Variants in ADGRF5 observed in about 807,000 individuals in gnomAD.
ADGRF5 encodes the protein G-protein coupled receptor 116.
Under a neutral mutation model 132.3 loss-of-function variants are expected in ADGRF5, and 75 were observed. That is an observed-to-expected ratio of 0.57 (90% CI 0.47 to 0.69). The LOEUF (loss-of-function observed/expected upper bound fraction) is 0.69. Among genes scored for constraint, ADGRF5 ranks in the 30% least tolerant of loss-of-function variants. ADGRF5 has a pLI of 0.00. For synonymous variants in ADGRF5, 629 were observed against 597.6 expected (o/e 1.05, Z -0.77); for missense variants, 1,516 against 1,630.6 (o/e 0.93, Z 1.21).
At chr6:46,917,591 G>A (rs1187268204) in intron 1 of ADGRF5, among the ~76,000 whole-genome samples, 1 of 152,170 alleles carries the variant, frequency 6.6e-6, no homozygotes, top group Non-Finnish European at 1.5e-5. Flanking sequence ...ATAAAACACT[G>A]AGTATGGTCC....
chr6:46,880,417 T>C (rs1440118505), intron 8 of ADGRF5, among the ~76,000 whole-genome samples: 1 of 152,208 alleles, frequency 6.6e-6, no homozygotes, highest in Non-Finnish European at 1.5e-5. Context: ...TAATATCAAC[T>C]GCTTCTTATC....
At chr6:46,951,839 A>C (rs1778511731) in intron 1 of ADGRF5, among the ~76,000 whole-genome samples, 2 of 152,206 alleles carry the variant, frequency 1.3e-5, no homozygotes, top group Non-Finnish European at 2.9e-5. Flanking sequence ...TTGGGGAATT[A>C]CCAAAGCACA....
chr6:46,871,682 G>A (rs1033988981), intron 11 of ADGRF5, among the ~76,000 whole-genome samples, 161 bp downstream of exon 11: 1 of 152,156 alleles, frequency 6.6e-6, no homozygotes. Context: ...ATGGCAGAGA[G>A]AGAAATCCTT....
intron 1 of ADGRF5, among the ~76,000 whole-genome samples, chr6:46,949,736 T>C (rs1021109783): frequency 6.6e-5 from 10 of 152,240 alleles, no homozygotes; most frequent in African/African-American, 2.4e-4. Context: ...AGTCTTGCTG[T>C]TATTTGCCTG....
rs116070359 is a variant in ADGRF5, at chr6:46,878,187, A to G, written c.1240+15T>C. 114 of 1,571,656 alleles carry G rather than the reference A, an allele frequency of 7.3e-5. No homozygotes were observed. The highest frequency in any genetic ancestry group is 9.6e-5 in the Non-Finnish European group (110 of 1,141,258). ...CAAAAACCTATTTGCAAAAGGGCTT[A>G]TCTAACATTCTCACCTGGAATATTT... On this transcript the variant is annotated intron_variant, in intron 10 of 20. Coordinates refer to ENST00000283296, the MANE Select transcript of ADGRF5 (RefSeq NM_001098518.2).
chr6:46,867,041 A>G lies in ADGRF5; in HGVS notation c.1718T>C (p.Val573Ala), dbSNP rs1320596229. The G allele has an allele frequency of 1.9e-6, 3 of 1,613,710 alleles. No individual in the cohort carries two copies. The highest frequency in any genetic ancestry group is 2.7e-5 in the African/African-American group (2 of 74,924). Residue 573 changes from valine to alanine, a missense_variant, in exon 13 of 21, where the codon GTT becomes GCT. Around this residue, in one of 2 missense-constraint regions of ADGRF5, gnomAD observed 945 missense variants for 929.4 expected, o/e 1.02. Transcript: ENST00000283296. ...TGAAACAGTAGCTTCCAAAGGATCAACCATGATGTTCAGCTTTAGAGGCAG... is the reference window on the plus strand; with the variant it reads ...TGAAACAGTAGCTTCCAAAGGATCAGCCATGATGTTCAGCTTTAGAGGCAG... ...HPLPLKLNIM[V>A]DPLEATVSCS...
At chr6:46,930,249 A>G (rs1414242078) in intron 1 of ADGRF5, among the ~76,000 whole-genome samples, 1 of 152,216 alleles carries the variant, frequency 6.6e-6, no homozygotes, top group African/African-American at 2.4e-5. Flanking sequence ...GTGACATCAG[A>G]AGTATAAACT....
At chr6:46,927,189 A>C (rs1478911746) in intron 1 of ADGRF5, among the ~76,000 whole-genome samples, 5 of 152,096 alleles carry the variant, frequency 3.3e-5, no homozygotes, top group African/African-American at 1.2e-4. Context: ...AGAATTTATC[A>C]AGGCGATTAG....
At chr6:46,885,840 C>T (rs1242092793) in intron 4 of ADGRF5, among the ~76,000 whole-genome samples, 4 of 152,172 alleles carry the variant, frequency 2.6e-5, no homozygotes, top group Non-Finnish European at 5.9e-5. Flanking sequence ...ACTGTTAGTA[C>T]CAACACTCAT....
intron 7 of ADGRF5, 104 bp downstream of exon 7, chr6:46,881,945 C>T (rs1401960747): frequency 1.1e-6 from 1 of 879,330 alleles, no homozygotes; most frequent in African/African-American, 1.6e-5. Flanking sequence ...ACTGCTCCTG[C>T]TGAGGATTCC....
rs941559369 is a variant in ADGRF5, at chr6:46,942,858, G to A, written c.-25+11876C>T. On this transcript the variant is annotated intron_variant, in intron 1 of 20. Coordinates refer to the ADGRF5 transcript ENST00000265417. ...ATGCATAACCATGAGAGATGTGTGC[G>A]TGTGTCTGCGTGTGTGCATGCATGC... Among the ~76,000 whole-genome samples, 13 of 152,268 alleles carry A rather than the reference G, an allele frequency of 8.5e-5. No homozygotes were observed. The East Asian group carries it at 1.5e-3, about 18-fold the overall frequency.
At position 46,863,926 on chromosome 6, in the gene ADGRF5, C is replaced by T. The variant is rs574452946; in HGVS notation, c.1991-830G>A. Among the ~76,000 whole-genome samples, 17 of 152,310 alleles carry T rather than the reference C, an allele frequency of 1.1e-4. No individual in the cohort carries two copies. The South Asian group carries it at 1.9e-3, about 17-fold the overall frequency. ...GCACCCTGGAGGGGTTGTACTTGTG[C>T]GTGGAAAGGTCAGGTGAAAGTGACT... is the stretch of plus-strand genomic sequence containing the variant. On this transcript the variant is annotated intron_variant, in intron 14 of 20. Coordinates refer to ENST00000283296, the MANE Select transcript of ADGRF5 (RefSeq NM_001098518.2).
At chr6:46,897,288 C>A (rs1375361053) in intron 3 of ADGRF5, among the ~76,000 whole-genome samples, 1 of 151,562 alleles carries the variant, frequency 6.6e-6, no homozygotes, top group African/African-American at 2.4e-5. Context: ...AAAGATGATT[C>A]TATTCCAAAT....
chr6:46,903,313 T>C (rs1774965798), intron 2 of ADGRF5, among the ~76,000 whole-genome samples: 1 of 152,068 alleles, frequency 6.6e-6, no homozygotes, highest in Non-Finnish European at 1.5e-5. Flanking sequence ...GCTCCATCTG[T>C]GTAGAGGTCC....
At chr6:46,896,098 C>A (rs186935798) in intron 3 of ADGRF5, among the ~76,000 whole-genome samples, 1 of 152,098 alleles carries the variant, frequency 6.6e-6, no homozygotes, top group Admixed American at 6.5e-5. Flanking sequence ...TCTAGACTGC[C>A]GAGCCTCCTG....
intron 3 of ADGRF5, among the ~76,000 whole-genome samples, chr6:46,895,113 G>T (rs1468587794): frequency 5.3e-5 from 8 of 152,012 alleles, no homozygotes; most frequent in Non-Finnish European, 8.8e-5. Flanking sequence ...GGAGGCGGAG[G>T]TTGCAGTGAG....
chr6:46,872,495 T>A (rs1457967315), intron 10 of ADGRF5, among the ~76,000 whole-genome samples: 1 of 152,198 alleles, frequency 6.6e-6, no homozygotes, highest in Non-Finnish European at 1.5e-5. Context: ...TTATTATGAT[T>A]ATTAAAAAGG....
At chr6:46,919,484 A>AATAT (rs1424763629) in intron 1 of ADGRF5, among the ~76,000 whole-genome samples, 1 of 152,248 alleles carries the variant, frequency 6.6e-6, no homozygotes, top group Non-Finnish European at 1.5e-5. Flanking sequence ...GAGGAGACAG[A>AATAT]TTAGCCTCAT....
At chr6:46,947,532 C>A (rs781769028) in intron 1 of ADGRF5, among the ~76,000 whole-genome samples, 16 of 152,242 alleles carry the variant, frequency 1.1e-4, no homozygotes, top group Admixed American at 3.3e-4. Context: ...TGGCTGGCAG[C>A]GTGAATTTTC....
Sources: allele counts gnomAD v4.1 joint callset (sites outside exome capture counted in the v4.1 genomes callset), GRCh38; gene constraint gnomAD v4.1.1; regional missense constraint gnomAD v4.1.1; transcripts MANE v1.5; gene names NCBI Gene and HGNC (gene_info 2026-07-23, HGNC 2026-07-21).